Variants in SMYD3 observed in about 807,000 individuals in gnomAD.
SMYD3 encodes the protein histone-lysine N-methyltransferase SMYD3.
A neutral mutation model predicts 57.7 loss-of-function variants in SMYD3; 36 were observed. That is an observed-to-expected ratio of 0.62 (90% confidence interval 0.48 to 0.82). SMYD3 has a LOEUF of 0.82. SMYD3 is among the 40% of genes least tolerant of loss of function. The pLI is 0.00. For missense variants in SMYD3, 515 were observed against 538.8 expected, an observed-to-expected ratio of 0.96 and a Z score of 0.44; for synonymous variants, 211 against 195.0, an observed-to-expected ratio of 1.08 and a Z score of -0.68.
chr1:245,891,077 A>T (rs1422716763), intron 8 of SMYD3, among the ~76,000 whole-genome samples: 1 of 152,248 alleles, frequency 6.6e-6, no homozygotes, highest in Non-Finnish European at 1.5e-5. Flanking sequence ...CTGGGAAGGT[A>T]GTGGGCAAGG....
intron 10 of SMYD3, among the ~76,000 whole-genome samples, chr1:245,817,489 C>T (rs1346353135): frequency 1.3e-5 from 2 of 151,950 alleles, no homozygotes; most frequent in African/African-American, 4.8e-5. Context: ...AAGCAGAGCA[C>T]CTCTCCTCCT....
chr1:246,506,948 G>T, intron 1 of SMYD3, 106 bp downstream of exon 1: 1 of 1,111,940 alleles, frequency 9.0e-7, no homozygotes, highest in Non-Finnish European at 1.2e-6. Context: ...TGCCTGTGCA[G>T]CCCCATCCAG....
intron 8 of SMYD3, among the ~76,000 whole-genome samples, chr1:245,868,000 T>C (rs998137032): frequency 3.3e-5 from 5 of 152,238 alleles, no homozygotes; most frequent in African/African-American, 4.8e-5. Context: ...ATATAGGTCT[T>C]ATTCTTCTTT....
At chr1:245,754,640 C>G (rs1191550841) in intron 11 of SMYD3, among the ~76,000 whole-genome samples, 1 of 152,178 alleles carries the variant, frequency 6.6e-6, no homozygotes, top group Non-Finnish European at 1.5e-5. Context: ...AGCTCAGCAG[C>G]ACCCCTGGAG....
chr1:245,954,180 A>G (rs2057756264), intron 5 of SMYD3, among the ~76,000 whole-genome samples: 1 of 152,180 alleles, frequency 6.6e-6, no homozygotes, highest in African/African-American at 2.4e-5. Flanking sequence ...TCCTTATACC[A>G]TTTGCCCTGG....
chr1:246,037,756 A>T (rs1273500215), intron 5 of SMYD3, among the ~76,000 whole-genome samples: 6 of 152,222 alleles, frequency 3.9e-5, no homozygotes, highest in Non-Finnish European at 7.3e-5. Context: ...GCATTTGTGG[A>T]GAAACCTGTT....
chr1:246,108,916 C>G (rs1265489144), intron 5 of SMYD3, among the ~76,000 whole-genome samples: 1 of 152,188 alleles, frequency 6.6e-6, no homozygotes, highest in Non-Finnish European at 1.5e-5. Context: ...GTTGGTGCAG[C>G]CAATTCTTTC....
intron 1 of SMYD3, among the ~76,000 whole-genome samples, chr1:246,457,302 AAAAT>A (rs1265544828): frequency 6.6e-6 from 1 of 152,066 alleles, no homozygotes; most frequent in Non-Finnish European, 1.5e-5. Context: ...TGACTCTTAG[AAAAT>A]AAGGTCCATG....
At chr1:246,478,805 CATAA>C in intron 1 of SMYD3, among the ~76,000 whole-genome samples, 1 of 65,370 alleles carries the variant, frequency 1.5e-5, no homozygotes, top group African/African-American at 4.0e-5. Flanking sequence ...GGAGCTGGTA[CATAA>C]GTGCTCATAT....
chr1:246,272,036 A>G (rs1326621809), intron 5 of SMYD3, among the ~76,000 whole-genome samples: 1 of 152,054 alleles, frequency 6.6e-6, no homozygotes, highest in East Asian at 1.9e-4. Context: ...TAAGTATTTT[A>G]TTCTTTTGGA....
intron 5 of SMYD3, among the ~76,000 whole-genome samples, chr1:246,110,656 A>G (rs2147979371): frequency 6.6e-6 from 1 of 152,348 alleles, no homozygotes; most frequent in South Asian, 2.1e-4. Context: ...ACGCCTGCAC[A>G]GTGTCACCAG....
At chr1:246,073,622 T>C (rs891932595) in intron 5 of SMYD3, among the ~76,000 whole-genome samples, 9 of 151,942 alleles carry the variant, frequency 5.9e-5, no homozygotes, top group African/African-American at 2.2e-4. Context: ...GAGGCTGAGG[T>C]GGAAAGATTG....
intron 1 of SMYD3, among the ~76,000 whole-genome samples, chr1:246,363,344 G>A (rs1173224786): frequency 6.6e-6 from 1 of 151,944 alleles, no homozygotes; most frequent in African/African-American, 2.4e-5. Context: ...CGGGAGGTGA[G>A]GGGCGCCTCT....
chr1:246,254,096 T>C (rs1312856399), intron 5 of SMYD3, among the ~76,000 whole-genome samples: 1 of 152,236 alleles, frequency 6.6e-6, no homozygotes, highest in Non-Finnish European at 1.5e-5. Context: ...TCTCTCATTC[T>C]GTAGACTGTA....
intron 5 of SMYD3, among the ~76,000 whole-genome samples, chr1:246,219,845 G>A (rs2148418163): frequency 6.6e-6 from 1 of 152,192 alleles, no homozygotes; most frequent in South Asian, 2.1e-4. Context: ...CCTTTCATGA[G>A]GGGTGGAACG....
chr1:246,284,634 T>A (rs2064522452), intron 5 of SMYD3, among the ~76,000 whole-genome samples: 1 of 152,098 alleles, frequency 6.6e-6, no homozygotes, highest in Admixed American at 6.5e-5. Context: ...GCCAAGATGG[T>A]CTCGATCTCC....
chr1:245,895,346 C>T (rs1204433682), intron 8 of SMYD3, among the ~76,000 whole-genome samples: 1 of 152,134 alleles, frequency 6.6e-6, no homozygotes, highest in East Asian at 1.9e-4. Context: ...GTCAAATCTT[C>T]CTGAGGACAA....
At chr1:246,124,091 T>C (rs2061468103) in intron 5 of SMYD3, among the ~76,000 whole-genome samples, 1 of 152,254 alleles carries the variant, frequency 6.6e-6, no homozygotes, top group South Asian at 2.1e-4. Context: ...ATTTTGTGTA[T>C]AACAAAGTCA....
chr1:246,205,270 TC>T lies in SMYD3; in HGVS notation c.531+121930del, dbSNP rs2062981186. Among the ~76,000 whole-genome samples, 3 of 152,368 alleles carry T rather than the reference TC, an allele frequency of 2.0e-5. No individual in the cohort carries two copies. In the South Asian group the frequency reaches 6.2e-4, roughly 32 times the overall value. ...AGAAAATACTTAGGTGTCATCTCTT[TC>T]TAACAAAGTTATTTTCTTGACCAGG... On this transcript the variant is annotated intron_variant, in intron 5 of 11. Coordinates refer to ENST00000490107, the MANE Select transcript of SMYD3 (RefSeq NM_001167740.2).
Sources: allele counts gnomAD v4.1 joint callset (sites outside exome capture counted in the v4.1 genomes callset), GRCh38; gene constraint gnomAD v4.1.1; transcripts MANE v1.5; gene names NCBI Gene and HGNC (gene_info 2026-07-23, HGNC 2026-07-21).